Variants in PHEX observed in about 807,000 individuals in gnomAD.
PHEX encodes phosphate-regulating neutral endopeptidase PHEX.
A neutral mutation model predicts 68.0 loss-of-function variants in PHEX; 16 were observed. The observed-to-expected ratio is 0.24, with a 90% CI of 0.16 to 0.36. The LOEUF is 0.36. Ranked by LOEUF, PHEX falls within the 10% of genes least tolerant of loss-of-function variation. The pLI is 1.00. For missense variants in PHEX, 480 were observed against 575.5 expected (o/e 0.83, Z 1.70); for synonymous variants, 208 against 205.1 (o/e 1.01, Z -0.12).
In PHEX at chrX:22,098,632, C is replaced by CAAA. The variant is rs778559963; in HGVS notation, c.934-360_934-358dup. 2.4e-4 allele frequency among the ~76,000 whole-genome samples: 17 copies of CAAA among 70,288 alleles called. 1 individual carries two copies. Among genetic ancestry groups the CAAA allele is most frequent in the Middle Eastern group, 7.4e-3 (1 of 136 alleles). The allele number at this position is 70,288 out of a possible 115,157, so 61.0% of individuals were successfully genotyped here. On this transcript the variant is annotated intron_variant, in intron 8 of 21. Transcript: ENST00000379374. ...TGAAATTCCACCTCTACTAAAAATA[C>CAAA]AAAAAAAAAAAAAAAATTAGCCAAG...
At chrX:22,066,330 G>C (rs1432418220) in intron 3 of PHEX, among the ~76,000 whole-genome samples, 1 of 112,093 alleles carries the variant, frequency 8.9e-6, no homozygotes, top group Non-Finnish European at 1.9e-5. Flanking sequence ...AACGAAGGTG[G>C]AGTTTGACTT....
intron 18 of PHEX, among the ~76,000 whole-genome samples, chrX:22,225,777 C>T (rs1457813387): frequency 4.5e-5 from 5 of 112,250 alleles, no homozygotes; most frequent in African/African-American, 6.5e-5. Flanking sequence ...TTGGATTTGG[C>T]GTGTGGGCTG....
At chrX:22,166,188 T>A (rs1406899750) in intron 12 of PHEX, among the ~76,000 whole-genome samples, 1 of 112,193 alleles carries the variant, frequency 8.9e-6, no homozygotes, top group Admixed American at 9.5e-5. Flanking sequence ...GATCACTGCC[T>A]CCAATCTTTC....
intron 20 of PHEX, among the ~76,000 whole-genome samples, chrX:22,228,398 G>GTCTT (rs777656765): frequency 8.9e-6 from 1 of 111,983 alleles, no homozygotes; most frequent in Non-Finnish European, 1.9e-5. Flanking sequence ...TCCTAAGTCT[G>GTCTT]TCTTTGCTTT....
chrX:22,087,468 C>G (rs1374022005), intron 5 of PHEX, among the ~76,000 whole-genome samples: 1 of 111,322 alleles, frequency 9.0e-6, no homozygotes, highest in Non-Finnish European at 1.9e-5. Flanking sequence ...TTTGAAAGTG[C>G]CTTTTTTCCC....
chrX:22,098,967 C>G (rs371953854), intron 8 of PHEX, 39 bp from the exon 9 acceptor site: 1 of 1,190,509 alleles, frequency 8.4e-7, no homozygotes, highest in Non-Finnish European at 1.1e-6. Flanking sequence ...GCTACCTAAC[C>G]GAGATTCTCT....
intron 20 of PHEX, among the ~76,000 whole-genome samples, chrX:22,232,937 AGTT>A (rs1935819444): frequency 9.0e-6 from 1 of 110,860 alleles, no homozygotes; most frequent in Non-Finnish European, 1.9e-5. Flanking sequence ...GGCTGGTGCC[AGTT>A]GTTCCTTTCT....
chrX:22,167,623 T>C (rs1300968601), intron 12 of PHEX, among the ~76,000 whole-genome samples: 1 of 106,989 alleles, frequency 9.3e-6, no homozygotes, highest in Admixed American at 1.0e-4. Context: ...TCCCAAGTAA[T>C]TGGAACTATA....
At chrX:22,141,772 A>C (rs1932474060) in intron 12 of PHEX, among the ~76,000 whole-genome samples, 2 of 112,369 alleles carry the variant, frequency 1.8e-5, no homozygotes, top group South Asian at 7.3e-4. Flanking sequence ...GACAAAAAAA[A>C]GTTCTAGTTC....
chrX:22,072,326 G>A lies in PHEX; in HGVS notation c.350-4062G>A, dbSNP rs1273626421. Among the ~76,000 whole-genome samples, 47 of 111,362 alleles carry A rather than the reference G, an allele frequency of 4.2e-4. 1 individual carries two copies. Among genetic ancestry groups the A allele is most frequent in the Non-Finnish European group, 9.4e-5 (5 of 53,029 alleles). On this transcript the variant is annotated intron_variant, in intron 3 of 21. Coordinates refer to ENST00000379374, the MANE Select transcript of PHEX (RefSeq NM_000444.6). ...CTTGAGAGGCTGAGGTAGGAGAATC[G>A]CGTGAACCTGGGAGGTGGAGATTGC...
intron 12 of PHEX, among the ~76,000 whole-genome samples, chrX:22,152,990 C>T (rs1433719522): frequency 9.2e-6 from 1 of 108,423 alleles, no homozygotes; most frequent in African/African-American, 3.4e-5. Context: ...AGTAAATGAT[C>T]AACTTTTTTT....
In PHEX at chrX:22,227,927, A is replaced by G. The variant is rs771664460; in HGVS notation, c.2070+316A>G. On this transcript the variant is annotated intron_variant, in intron 20 of 21. Transcript: ENST00000379374. ...ATACTATTTATTTGTAACCATTTCT[A>G]GTAACTTGCTCTTTGGCTTTCATGG... Among the ~76,000 whole-genome samples the G allele has an allele frequency of 4.8e-3, 540 of 111,551 alleles. 2 individuals are homozygous for G. The highest frequency in any genetic ancestry group is 0.016 in the African/African-American group (506 of 30,675).
intron 11 of PHEX, among the ~76,000 whole-genome samples, chrX:22,128,920 C>G (rs1931857353): frequency 9.7e-6 from 1 of 102,575 alleles, no homozygotes; most frequent in South Asian, 5.0e-4. Flanking sequence ...CTATGTTTTT[C>G]CTATGCATAT....
In PHEX at chrX:22,071,623, T is replaced by C. The variant is rs757757875; in HGVS notation, c.350-4765T>C. On this transcript the variant is annotated intron_variant, in intron 3 of 21. Transcript: ENST00000379374. ...TGCCAATGTTTTATACCAAAAGTAT[T>C]TCTTGGTGATATTATTTGAGGCCCA... 2.6e-4 allele frequency among the ~76,000 whole-genome samples: 29 copies of C among 111,929 alleles called. 1 individual carries two copies. Among genetic ancestry groups the C allele is most frequent in the Non-Finnish European group, 5.1e-4 (27 of 53,262 alleles).
At chrX:22,058,447 C>A (rs1928215736) in intron 3 of PHEX, among the ~76,000 whole-genome samples, 1 of 112,309 alleles carries the variant, frequency 8.9e-6, no homozygotes, top group African/African-American at 3.2e-5. Flanking sequence ...TAGAAGAAGA[C>A]CTTGACATCA....
chrX:22,107,157 T>C (rs938690978), intron 9 of PHEX, among the ~76,000 whole-genome samples: 3 of 111,998 alleles, frequency 2.7e-5, no homozygotes, highest in African/African-American at 9.7e-5. Context: ...ACAGCAGCAC[T>C]GTGAGGATCA....
intron 2 of PHEX, among the ~76,000 whole-genome samples, chrX:22,043,176 T>G (rs1432262439): frequency 1.8e-5 from 2 of 112,110 alleles, no homozygotes; most frequent in East Asian, 5.5e-4. Flanking sequence ...ACCTCAAGAG[T>G]TTCAGATAAG....
intron 3 of PHEX, among the ~76,000 whole-genome samples, chrX:22,048,557 G>T (rs1056177908): frequency 9.0e-6 from 1 of 111,630 alleles, no homozygotes; most frequent in African/African-American, 3.3e-5. Flanking sequence ...AGATTTCCAG[G>T]CATATGCTCC....
chrX:22,248,916 T>C lies in PHEX; in HGVS notation c.*963T>C, dbSNP rs1308402475. 2 of 105,128 alleles carry C rather than the reference T, an allele frequency of 1.9e-5. No homozygotes were observed. The highest frequency in any genetic ancestry group is 2.0e-4 in the Admixed American group (2 of 9,959). The allele number at this position is 105,128 out of a possible 1,213,427, so 8.7% of individuals were successfully genotyped here. Reference sequence around the variant, plus strand: ...TTTCTGATTCCCCATTAGGAACATATGATTTTCATTTCCCTTTAGTGCAAA... The same window carrying C: ...TTTCTGATTCCCCATTAGGAACATACGATTTTCATTTCCCTTTAGTGCAAA... On this transcript the variant is annotated 3_prime_UTR_variant, in exon 22 of 22. Coordinates refer to ENST00000379374, the MANE Select transcript of PHEX (RefSeq NM_000444.6).
Sources: gnomAD v4.1 joint callset for allele counts (sites outside exome capture counted in the v4.1 genomes callset) on GRCh38, gnomAD v4.1.1 for gene constraint, MANE v1.5 for transcripts, NCBI Gene and HGNC (gene_info 2026-07-23, HGNC 2026-07-21) for gene names.